The following DGKB variants were observed in gnomAD, a reference collection of about 807,000 sequenced individuals.
DGKB encodes the protein diacylglycerol kinase beta, also known as 90 kDa diacylglycerol kinase.
Under a neutral mutation model 114.3 loss-of-function variants are expected in DGKB, and 67 were observed. That is an observed-to-expected ratio of 0.59 (90% CI 0.48 to 0.72). The LOEUF (loss-of-function observed/expected upper bound fraction) is 0.72, where lower values mean the gene tolerates loss of function less well. Ranked by LOEUF, DGKB falls within the 30% of genes least tolerant of loss-of-function variation. DGKB has a pLI of 0.00. For missense variants in DGKB, 907 were observed against 975.2 expected, an observed-to-expected ratio of 0.93 and a Z score of 0.93; for synonymous variants, 398 against 323.1, an observed-to-expected ratio of 1.23 and a Z score of -2.49.
chr7:14,681,315 T>C (rs1474616694), intron 12 of DGKB, among the ~76,000 whole-genome samples: 1 of 152,100 alleles, frequency 6.6e-6, no homozygotes, highest in African/African-American at 2.4e-5. Context: ...ATAATTTAAC[T>C]AATAGCTGAA....
chr7:14,859,051 A>T (rs1461564693), intron 1 of DGKB, among the ~76,000 whole-genome samples: 1 of 152,102 alleles, frequency 6.6e-6, no homozygotes, highest in Non-Finnish European at 1.5e-5. Flanking sequence ...AAACCAAGAA[A>T]GAGGAAGTGG....
intron 23 of DGKB, among the ~76,000 whole-genome samples, chr7:14,201,029 T>C (rs1307392659): frequency 6.6e-6 from 1 of 151,972 alleles, no homozygotes; most frequent in Admixed American, 6.6e-5. Flanking sequence ...GGTTTCTTCA[T>C]TCATTTAGGC....
intron 5 of DGKB, among the ~76,000 whole-genome samples, chr7:14,719,614 C>T (rs1828814110): frequency 6.6e-6 from 1 of 151,990 alleles, no homozygotes. Context: ...TTGAACCAAA[C>T]ACAGTTCTAG....
intron 1 of DGKB, among the ~76,000 whole-genome samples, chr7:14,857,285 G>A (rs1850320123): frequency 6.9e-5 from 1 of 14,404 alleles, no homozygotes; most frequent in African/African-American, 8.2e-4. Flanking sequence ...TGTGTTGCTG[G>A]CACTGAAGGA....
intron 21 of DGKB, among the ~76,000 whole-genome samples, chr7:14,371,613 T>C (rs995251359): frequency 2.6e-5 from 4 of 152,164 alleles, no homozygotes; most frequent in Admixed American, 2.0e-4. Context: ...ATCCTGTATG[T>C]TGTCTATTTA....
chr7:14,763,187 G>A (rs1422565660), intron 2 of DGKB, among the ~76,000 whole-genome samples: 1 of 151,934 alleles, frequency 6.6e-6, no homozygotes, highest in Non-Finnish European at 1.5e-5. Context: ...TCCCGCCAAT[G>A]TTGAGTGAAG....
chr7:14,731,680 C>T (rs1019918140), intron 5 of DGKB, among the ~76,000 whole-genome samples: 3 of 152,066 alleles, frequency 2.0e-5, no homozygotes, highest in East Asian at 3.9e-4. Context: ...TTGTGAGCCT[C>T]AACCATCTTT....
chr7:14,660,263 G>A (rs1398801574), intron 13 of DGKB, among the ~76,000 whole-genome samples: 2 of 151,828 alleles, frequency 1.3e-5, no homozygotes, highest in Non-Finnish European at 2.9e-5. Context: ...GAGTTAGGGA[G>A]GATTCCCTCT....
At chr7:14,811,739 G>C (rs1056967627) in intron 2 of DGKB, among the ~76,000 whole-genome samples, 28 of 151,722 alleles carry the variant, frequency 1.8e-4, no homozygotes, top group Non-Finnish European at 3.2e-4. Flanking sequence ...TAAAAATTGG[G>C]CTATCCCTTA....
chr7:14,211,404 A>ATTTACTCTCATGTTTTGTGAT lies in DGKB; in HGVS notation c.2123-33274_2123-33254dup, dbSNP rs1562628385. Among the ~76,000 whole-genome samples, 3 of 51,490 alleles carry ATTTACTCTCATGTTTTGTGAT rather than the reference A, an allele frequency of 5.8e-5. No individual in the cohort carries two copies. In the Admixed American group the frequency reaches 6.7e-4, roughly 12 times the overall value. 33.8% of individuals were successfully genotyped at this position (51,490 alleles called of 152,430 possible). A position where few individuals can be genotyped will look rare whatever the true frequency, so the allele number is the denominator to read the frequency against. On this transcript the variant is annotated intron_variant, in intron 23 of 25. Coordinates refer to ENST00000402815, the MANE Select transcript of DGKB (RefSeq NM_001350709.2). ...TGATTTTACTCTCATGTTTTGTGAT[A>ATTTACTCTCATGTTTTGTGAT]TTTACTCTCATGTTTTGTGATTTTA... is the stretch of plus-strand genomic sequence containing the variant.
At chr7:14,364,300 AT>A (rs1816269844) in intron 21 of DGKB, among the ~76,000 whole-genome samples, 1 of 151,976 alleles carries the variant, frequency 6.6e-6, no homozygotes, top group Admixed American at 6.6e-5. Flanking sequence ...TCACAATAAA[AT>A]TATTGCCCAG....
chr7:14,566,024 C>T (rs1797334596), intron 20 of DGKB, among the ~76,000 whole-genome samples: 1 of 152,062 alleles, frequency 6.6e-6, no homozygotes, highest in South Asian at 2.1e-4. Flanking sequence ...CCAAGAGTCG[C>T]TTGTGTTGTT....
chr7:14,966,431 C>A (rs545750328), intron 1 of DGKB, among the ~76,000 whole-genome samples: 2 of 148,314 alleles, frequency 1.3e-5, no homozygotes, highest in South Asian at 4.3e-4. Context: ...CAAGGGAATA[C>A]ACACATATTT....
intron 5 of DGKB, among the ~76,000 whole-genome samples, chr7:14,731,319 A>G (rs1453817698): frequency 6.6e-6 from 1 of 152,168 alleles, no homozygotes; most frequent in Non-Finnish European, 1.5e-5. Context: ...CGTAAATATT[A>G]TTTGTGAGCT....
At chr7:14,825,028 A>ATGTG in intron 2 of DGKB, among the ~76,000 whole-genome samples, 1 of 136,858 alleles carries the variant, frequency 7.3e-6, no homozygotes. Context: ...ATATATATAT[A>ATGTG]TATATATATA....
intron 14 of DGKB, among the ~76,000 whole-genome samples, 190 bp downstream of exon 14, chr7:14,630,046 A>G (rs181468179): frequency 6.6e-6 from 1 of 152,062 alleles, no homozygotes. Context: ...TAGATGGAAA[A>G]TTCTTCAAGT....
At chr7:14,322,661 T>C (rs768435183) in intron 23 of DGKB, among the ~76,000 whole-genome samples, 1 of 152,152 alleles carries the variant, frequency 6.6e-6, no homozygotes, top group Admixed American at 6.5e-5. Context: ...TTGTAAACTA[T>C]AGGCAAGGCA....
At chr7:14,305,858 C>G (rs1026193794) in intron 23 of DGKB, among the ~76,000 whole-genome samples, 1 of 152,116 alleles carries the variant, frequency 6.6e-6, no homozygotes. Flanking sequence ...ACTAAACTAC[C>G]AGTCTACTTG....
At chr7:14,740,474 C>T (rs1214981316) in intron 4 of DGKB, among the ~76,000 whole-genome samples, 1 of 152,066 alleles carries the variant, frequency 6.6e-6, no homozygotes, top group Non-Finnish European at 1.5e-5. Context: ...TTTGAGAGGA[C>T]CCAATTTTAG....
Sources: gnomAD v4.1 joint callset for allele counts (sites outside exome capture counted in the v4.1 genomes callset) on GRCh38, gnomAD v4.1.1 for gene constraint, MANE v1.5 for transcripts, NCBI Gene and HGNC (gene_info 2026-07-23, HGNC 2026-07-21) for gene names.